The following TTC23 variants were observed in gnomAD, a reference collection of about 807,000 sequenced individuals.
The protein encoded by TTC23 is tetratricopeptide repeat domain 23.
A neutral mutation model predicts 55.1 loss-of-function variants in TTC23; 58 were observed. The observed-to-expected ratio is 1.05, with a 90% CI of 0.85 to 1.31. TTC23 has a LOEUF of 1.31. Among genes scored for constraint, TTC23 ranks in the 50% most tolerant of loss-of-function variants. TTC23 has a pLI of 0.00. For missense variants in TTC23, 516 were observed against 534.4 expected (o/e 0.97, Z 0.34); for synonymous variants, 203 against 199.9 (o/e 1.02, Z -0.13).
chr15:99,147,447 G>A lies in TTC23; in HGVS notation c.1144-8048C>T, dbSNP rs546553925. Among the ~76,000 whole-genome samples, 9 of 150,450 alleles carry A rather than the reference G, an allele frequency of 6.0e-5. No individual in the cohort carries two copies. The East Asian group carries it at 1.6e-3, about 27-fold the overall frequency. ...TCACTTTGTTAGCCAGGATGGTCTC[G>A]ATCTCCTGACCTCGTGATCCTCCTG... On this transcript the variant is annotated intron_variant, in intron 12 of 13. Coordinates refer to ENST00000394132, the MANE Select transcript of TTC23 (RefSeq NM_001288615.3).
intron 12 of TTC23, among the ~76,000 whole-genome samples, chr15:99,146,373 T>C (rs1329730463): frequency 6.6e-6 from 1 of 152,230 alleles, no homozygotes; most frequent in Non-Finnish European, 1.5e-5. Context: ...AGCTCAGCGA[T>C]CTGGTTTAGT....
At chr15:99,236,832 T>G (rs763846373) in intron 3 of TTC23, among the ~76,000 whole-genome samples, 1 of 152,232 alleles carries the variant, frequency 6.6e-6, no homozygotes, top group Non-Finnish European at 1.5e-5. Flanking sequence ...TTGTTGATTA[T>G]TGTCCTGTTT....
At chr15:99,183,546 T>A (rs1419049535) in intron 9 of TTC23, among the ~76,000 whole-genome samples, 3 of 148,118 alleles carry the variant, frequency 2.0e-5, no homozygotes, top group Non-Finnish European at 4.5e-5. Context: ...TTCACTGCGT[T>A]AGCCAGATGG....
chr15:99,201,928 T>C (rs991547851), intron 8 of TTC23, among the ~76,000 whole-genome samples: 14 of 152,192 alleles, frequency 9.2e-5, no homozygotes, highest in African/African-American at 3.4e-4. Context: ...GCCAAAGACT[T>C]AGATTCCGTG....
intron 8 of TTC23, among the ~76,000 whole-genome samples, chr15:99,214,141 G>A (rs779206236): frequency 3.3e-5 from 5 of 152,134 alleles, no homozygotes; most frequent in Non-Finnish European, 7.4e-5. Context: ...AAGAGACAGA[G>A]TTTTGCTTTG....
rs543138280 is a variant in TTC23 at position 99,244,650 on chromosome 15, A to G, written c.-309+739T>C. On this transcript the variant is annotated intron_variant, in intron 2 of 13. Transcript: ENST00000394132. ...CGAAAGAAATTAAAGATCTAAATAC[A>G]TGGACATTCCATGTTCATAGATTAA... 7.2e-5 allele frequency among the ~76,000 whole-genome samples: 11 copies of G among 152,298 alleles called. No individual in the cohort carries two copies. The South Asian group carries it at 2.3e-3, about 32-fold the overall frequency.
At chr15:99,212,366 G>GATAGAAA (rs1205620931) in intron 8 of TTC23, among the ~76,000 whole-genome samples, 1 of 152,032 alleles carries the variant, frequency 6.6e-6, no homozygotes, top group African/African-American at 2.4e-5. Context: ...CAATAACCAG[G>GATAGAAA]ATAGAAAATA....
chr15:99,196,948 T>C (rs1160527380), intron 9 of TTC23, among the ~76,000 whole-genome samples: 2 of 152,218 alleles, frequency 1.3e-5, no homozygotes, highest in African/African-American at 4.8e-5. Flanking sequence ...TTCCTGAATG[T>C]GTCAAGCGTT....
At chr15:99,198,208 T>C (rs1378013556) in intron 9 of TTC23, among the ~76,000 whole-genome samples, 1 of 152,192 alleles carries the variant, frequency 6.6e-6, no homozygotes, top group Non-Finnish European at 1.5e-5. Flanking sequence ...TTTCCACTTG[T>C]ACGCCTCACA....
At chr15:99,239,221 C>T (rs12148835) in intron 3 of TTC23, among the ~76,000 whole-genome samples, 20,612 of 152,156 alleles carry the variant, frequency 0.14, 1,426 homozygotes, top group African/African-American at 0.15. Flanking sequence ...TGGTGGCTCA[C>T]GCCCGTAATC....
intron 12 of TTC23, among the ~76,000 whole-genome samples, chr15:99,150,371 C>T (rs1180789313): frequency 6.6e-6 from 1 of 152,192 alleles, no homozygotes; most frequent in South Asian, 2.1e-4. Flanking sequence ...TATTAGCATT[C>T]CCTCCAAGCT....
Position 99,208,830 on chromosome 15 carries a change from G to A in TTC23, c.582-8734C>T, listed in dbSNP as rs533088275. Among the ~76,000 whole-genome samples, 13 of 152,196 alleles carry A rather than the reference G, an allele frequency of 8.5e-5. No individual in the cohort carries two copies. The South Asian group carries it at 1.0e-3, about 12-fold the overall frequency. ...CTTACTTAAAGCATCAGTCAATTTC[G>A]GGTAATCTTGTGTGTTTCCATTTTC... On this transcript the variant is annotated intron_variant, in intron 8 of 13. Coordinates refer to ENST00000394132, the MANE Select transcript of TTC23 (RefSeq NM_001288615.3).
chr15:99,183,502 T>G (rs2074363460), intron 9 of TTC23, among the ~76,000 whole-genome samples: 1 of 145,660 alleles, frequency 6.9e-6, no homozygotes, highest in African/African-American at 2.5e-5. Context: ...TTTGTATTTT[T>G]TTTTTTTTTT....
chr15:99,203,482 G>A lies in TTC23; in HGVS notation c.582-3386C>T, dbSNP rs894393952. ...ATTTCTTTGTGTTAGGAACATGCCAGTTCCATTCTTTAATTATTTAAAAAT... is the reference window on the plus strand; with the variant it reads ...ATTTCTTTGTGTTAGGAACATGCCAATTCCATTCTTTAATTATTTAAAAAT... On this transcript the variant is annotated intron_variant, in intron 8 of 13. Transcript: ENST00000394132. Among the ~76,000 whole-genome samples, 7 of 152,150 alleles carry A rather than the reference G, an allele frequency of 4.6e-5. No homozygotes were observed. In the South Asian group the frequency reaches 1.2e-3, roughly 27 times the overall value.
chr15:99,210,950 C>T (rs985655209), intron 8 of TTC23, among the ~76,000 whole-genome samples: 1 of 152,136 alleles, frequency 6.6e-6, no homozygotes, highest in African/African-American at 2.4e-5. Flanking sequence ...CTAGTAAGTA[C>T]GAGTTAAGGG....
At chr15:99,238,344 C>T (rs1447784775) in intron 3 of TTC23, among the ~76,000 whole-genome samples, 2 of 152,046 alleles carry the variant, frequency 1.3e-5, no homozygotes, top group Non-Finnish European at 2.9e-5. Flanking sequence ...TAATGTATTA[C>T]GCAGAAAACA....
intron 9 of TTC23, among the ~76,000 whole-genome samples, chr15:99,175,588 C>A (rs554027651): frequency 6.6e-6 from 1 of 152,356 alleles, no homozygotes; most frequent in African/African-American, 2.4e-5. Flanking sequence ...GATATACAGA[C>A]CCCTCCTTTG....
At chr15:99,193,415 A>AAAC in intron 9 of TTC23, among the ~76,000 whole-genome samples, 1 of 152,220 alleles carries the variant, frequency 6.6e-6, no homozygotes, top group African/African-American at 2.4e-5. Flanking sequence ...TGTTCTTGTG[A>AAAC]TAGTGAGTAA....
chr15:99,187,077 A>G (rs1012304392), intron 9 of TTC23, among the ~76,000 whole-genome samples: 3 of 152,114 alleles, frequency 2.0e-5, no homozygotes, highest in Non-Finnish European at 4.4e-5. Context: ...AAACAACACT[A>G]ATTAAGACAA....
Sources: gnomAD v4.1 joint callset for allele counts (sites outside exome capture counted in the v4.1 genomes callset) on GRCh38, gnomAD v4.1.1 for gene constraint, MANE v1.5 for transcripts, NCBI Gene and HGNC (gene_info 2026-07-23, HGNC 2026-07-21) for gene names.